Variants in CAB39 observed in about 807,000 individuals in gnomAD.
The protein encoded by CAB39 is calcium-binding protein 39.
A neutral mutation model predicts 40.0 loss-of-function variants in CAB39; 8 were observed. The observed-to-expected ratio is 0.20, with a 90% CI of 0.12 to 0.36. The LOEUF (loss-of-function observed/expected upper bound fraction) is 0.36, where lower values mean the gene tolerates loss of function less well. Among genes scored for constraint, CAB39 ranks in the 10% least tolerant of loss-of-function variants. CAB39 has a pLI of 1.00. For synonymous variants in CAB39, 156 were observed against 141.6 expected, an observed-to-expected ratio of 1.10 and a Z score of -0.72; for missense variants, 270 against 401.1, an observed-to-expected ratio of 0.67 and a Z score of 2.79.
chr2:230,789,295 A>T (rs1428203244), intron 2 of CAB39, among the ~76,000 whole-genome samples: 1 of 152,154 alleles, frequency 6.6e-6, no homozygotes, highest in African/African-American at 2.4e-5. Context: ...TTGTAGTTGT[A>T]GTAACTATTT....
At chr2:230,760,805 G>A (rs1695275626) in intron 2 of CAB39, among the ~76,000 whole-genome samples, 1 of 152,054 alleles carries the variant, frequency 6.6e-6, no homozygotes, top group Admixed American at 6.6e-5. Flanking sequence ...ACTAAATCTT[G>A]TTCAACTCCC....
intron 6 of CAB39, among the ~76,000 whole-genome samples, chr2:230,813,767 A>G (rs1296783589): frequency 6.6e-6 from 1 of 151,982 alleles, no homozygotes; most frequent in East Asian, 1.9e-4. Flanking sequence ...GCCTGGATTT[A>G]AGCTCTGTCT....
rs1251523044 is a variant in CAB39, at chr2:230,819,586, A to C, written c.*882A>C. The C allele has an allele frequency of 6.6e-6, 1 of 152,520 alleles. No individual in the cohort carries two copies. Among genetic ancestry groups the C allele is most frequent in the Non-Finnish European group, 1.5e-5 (1 of 67,916 alleles). 9.4% of individuals were successfully genotyped at this position (152,520 alleles called of 1,614,324 possible). A position where few individuals can be genotyped will look rare whatever the true frequency, so the allele number is the denominator to read the frequency against. On this transcript the variant is annotated 3_prime_UTR_variant, in exon 9 of 9. Transcript: ENST00000258418. ...CTAATACTGAGTTTTTGCAAAAAAC[A>C]ATGAATGCTCATATGTAATTGAAAT...
chr2:230,784,542 C>G lies in CAB39; in HGVS notation c.115-6330C>G, dbSNP rs192158237. Among the ~76,000 whole-genome samples, 49 of 152,094 alleles carry G rather than the reference C, an allele frequency of 3.2e-4. 2 individuals carry two copies. The highest frequency in any genetic ancestry group is 1.8e-3 in the Admixed American group (27 of 15,286). ...GATTCCCTGTGTTTAAATGGCCTAG[C>G]CAAGGTGAATGAGGCAAAAAGGAGA... On this transcript the variant is annotated intron_variant, in intron 2 of 8. Coordinates refer to ENST00000258418, the MANE Select transcript of CAB39 (RefSeq NM_016289.4).
rs554383855 is a variant in CAB39 at position 230,807,793 on chromosome 2, C to T, written c.568-2470C>T. The stretch of plus-strand genomic sequence containing the variant: ...AGTAGATACTTTGTTCCTGCCTGTT[C>T]CTAAGAATCCAACCTCAGTTGAGAG... On this transcript the variant is annotated intron_variant, in intron 5 of 8. Coordinates refer to ENST00000258418, the MANE Select transcript of CAB39 (RefSeq NM_016289.4). Among the ~76,000 whole-genome samples the T allele has an allele frequency of 2.0e-5, 3 of 152,312 alleles. No homozygotes were observed. The East Asian group carries it at 5.8e-4, about 29-fold the overall frequency.
chr2:230,795,059 T>C (rs1017095291), intron 4 of CAB39, among the ~76,000 whole-genome samples: 2 of 152,158 alleles, frequency 1.3e-5, no homozygotes, highest in African/African-American at 2.4e-5. Context: ...GTGGATCACT[T>C]GAGTCCAGGA....
At chr2:230,745,683 G>T (rs985011169) in intron 1 of CAB39, among the ~76,000 whole-genome samples, 5 of 152,112 alleles carry the variant, frequency 3.3e-5, no homozygotes, top group African/African-American at 1.2e-4. Flanking sequence ...CTGGAGTGCA[G>T]TGGTGCCATC....
At chr2:230,794,144 T>A (rs373913600) in intron 4 of CAB39, among the ~76,000 whole-genome samples, 15 of 152,184 alleles carry the variant, frequency 9.9e-5, no homozygotes, top group African/African-American at 3.4e-4. Context: ...ATCAGCTTGC[T>A]CTACTCCTCC....
chr2:230,782,813 CTTT>C (rs1212977897), intron 2 of CAB39, among the ~76,000 whole-genome samples: 5 of 81,764 alleles, frequency 6.1e-5, no homozygotes, highest in African/African-American at 3.1e-4. Flanking sequence ...TTCTTTCTTT[CTTT>C]TTTTTTTTTT....
chr2:230,771,122 GATC>G (rs35450593), intron 2 of CAB39, among the ~76,000 whole-genome samples: 21,908 of 151,634 alleles, frequency 0.14, 2,306 homozygotes, highest in African/African-American at 0.3. Context: ...TAAATGACAT[GATC>G]ATCTACATAG....
intron 1 of CAB39, among the ~76,000 whole-genome samples, chr2:230,745,659 G>A (rs77041301): frequency 0.033 from 4,982 of 151,692 alleles, 266 homozygotes; most frequent in African/African-American, 0.11. Flanking sequence ...AGAGTTTCGC[G>A]CTTGTTGCCC....
intron 1 of CAB39, chr2:230,752,059 A>G (rs1695098616): frequency 1.4e-5 from 1 of 71,438 alleles, no homozygotes; most frequent in Non-Finnish European, 2.5e-5. Context: ...CACACCCCCA[A>G]CCTCAAAGGA....
intron 1 of CAB39, among the ~76,000 whole-genome samples, chr2:230,733,437 T>G (rs1324441412): frequency 1.3e-5 from 2 of 152,222 alleles, no homozygotes; most frequent in East Asian, 3.8e-4. Flanking sequence ...TCCTTGAAAC[T>G]AAAAGGGTTT....
At chr2:230,790,126 C>T (rs1173168446) in intron 2 of CAB39, among the ~76,000 whole-genome samples, 4 of 152,030 alleles carry the variant, frequency 2.6e-5, no homozygotes. Context: ...ACCCAGGAGG[C>T]TAAGGAGGAT....
intron 1 of CAB39, among the ~76,000 whole-genome samples, chr2:230,720,375 TCAC>T (rs1004149653): frequency 6.6e-6 from 1 of 152,198 alleles, no homozygotes; most frequent in African/African-American, 2.4e-5. Context: ...AGGGTGATAT[TCAC>T]CACCCATTAG....
At chr2:230,751,269 T>A (rs1695081074) in intron 1 of CAB39, among the ~76,000 whole-genome samples, 1 of 152,184 alleles carries the variant, frequency 6.6e-6, no homozygotes, top group African/African-American at 2.4e-5. Context: ...TCTTGTGAGC[T>A]CAGCTGTCTA....
intron 1 of CAB39, among the ~76,000 whole-genome samples, chr2:230,754,420 TCCCTCCTTCTTCCCCTTC>T (rs71052548): frequency 6.7e-4 from 65 of 97,290 alleles, no homozygotes; most frequent in Admixed American, 8.9e-4. Flanking sequence ...TCTTCCCCTT[TCCCTCCTTCTTCCCCTTC>T]CCCTCCTTCT....
At chr2:230,772,997 A>C (rs896322236) in intron 2 of CAB39, among the ~76,000 whole-genome samples, 10 of 152,066 alleles carry the variant, frequency 6.6e-5, no homozygotes, top group East Asian at 1.9e-4. Flanking sequence ...AAAAAAAAAA[A>C]AAAAAACTAT....
In CAB39 at chr2:230,814,049, T is replaced by A; in HGVS notation, c.628T>A (p.Phe210Ile). ...AEFLEQHYDRFFSEYEKLLHS... is the reference protein window; with the variant it reads ...AEFLEQHYDRIFSEYEKLLHS... ...TGATTTATGTTCTCTTATCTTTTAG[T>A]TTTTCAGTGAATATGAGAAGTTACT... Residue 210 changes from phenylalanine to isoleucine, a missense_variant and splice_region_variant, in exon 7 of 9, where the codon TTT (phenylalanine) becomes ATT (isoleucine). By Grantham distance (21) the Phe-to-Ile change is conservative (BLOSUM62 0). Transcript: ENST00000258418. 1 of 1,224,282 alleles carries A rather than the reference T, an allele frequency of 8.2e-7. No homozygotes were observed. Among genetic ancestry groups the A allele is most frequent in the East Asian group, 2.5e-5 (1 of 40,508 alleles). 75.8% of individuals were successfully genotyped at this position (1,224,282 alleles called of 1,614,324 possible). A position where few individuals can be genotyped will look rare whatever the true frequency, so the allele number is the denominator to read the frequency against.
Sources: allele counts gnomAD v4.1 joint callset (sites outside exome capture counted in the v4.1 genomes callset), GRCh38; gene constraint gnomAD v4.1.1; transcripts MANE v1.5; gene names NCBI Gene and HGNC (gene_info 2026-07-23, HGNC 2026-07-21).